EIF2B3: variants seen among roughly 807,000 people sequenced by gnomAD.
EIF2B3 encodes the protein translation initiation factor eIF2B subunit gamma.
EIF2B3 carries 20 observed loss-of-function variants against 54.1 expected under a neutral mutation model. The observed-to-expected ratio is 0.37, with a 90% CI of 0.26 to 0.54. The LOEUF (loss-of-function observed/expected upper bound fraction) is 0.54. EIF2B3 is among the 20% of genes least tolerant of loss of function. EIF2B3 has a pLI of 0.86. For synonymous variants in EIF2B3, 153 were observed against 188.1 expected, an observed-to-expected ratio of 0.81 and a Z score of 1.52; for missense variants, 448 against 547.8, an observed-to-expected ratio of 0.82 and a Z score of 1.82.
At chr1:44,933,407 T>C (rs1643914154) in intron 4 of EIF2B3, among the ~76,000 whole-genome samples, 1 of 152,148 alleles carries the variant, frequency 6.6e-6, no homozygotes, top group Non-Finnish European at 1.5e-5. Context: ...ATCTTTACAT[T>C]CTATAGTAAG....
intron 5 of EIF2B3, chr1:44,925,406 A>G (rs1173439240): frequency 2.0e-5 from 3 of 152,588 alleles, no homozygotes; most frequent in South Asian, 2.1e-4. Flanking sequence ...CCTTGAGGAC[A>G]TTATGCTAAG....
At chr1:44,900,467 A>T (rs1643262100) in intron 5 of EIF2B3, among the ~76,000 whole-genome samples, 1 of 150,762 alleles carries the variant, frequency 6.6e-6, no homozygotes, top group Non-Finnish European at 1.5e-5. Flanking sequence ...AAAAAAAAAA[A>T]AGGGAACAAC....
At chr1:44,965,983 C>T (rs1423128189) in intron 3 of EIF2B3, among the ~76,000 whole-genome samples, 4 of 152,026 alleles carry the variant, frequency 2.6e-5, no homozygotes, top group East Asian at 1.9e-4. Context: ...GACTGTAAAG[C>T]GTAGTTAAAA....
At chr1:44,872,158 G>T (rs1654986251) in intron 10 of EIF2B3, among the ~76,000 whole-genome samples, 1 of 152,126 alleles carries the variant, frequency 6.6e-6, no homozygotes, top group Non-Finnish European at 1.5e-5. Flanking sequence ...TCAGCCTTCT[G>T]AGTAGCTGAG....
intron 6 of EIF2B3, among the ~76,000 whole-genome samples, chr1:44,894,895 A>C (rs891646208): frequency 2.6e-5 from 4 of 152,152 alleles, no homozygotes; most frequent in Non-Finnish European, 5.9e-5. Flanking sequence ...TCAGCTTTCA[A>C]GACCTTCTAC....
intron 10 of EIF2B3, among the ~76,000 whole-genome samples, chr1:44,868,777 A>G (rs1654867974): frequency 6.6e-6 from 1 of 152,354 alleles, no homozygotes; most frequent in Admixed American, 6.5e-5. Flanking sequence ...AAATGGATGA[A>G]GGCAAGTGTA....
chr1:44,880,719 T>C (rs186783458), intron 7 of EIF2B3, among the ~76,000 whole-genome samples: 1 of 152,142 alleles, frequency 6.6e-6, no homozygotes, highest in East Asian at 1.9e-4. Context: ...TCCCAGCACT[T>C]TGGGAGGCCG....
At chr1:44,958,051 C>G (rs933580595) in intron 3 of EIF2B3, among the ~76,000 whole-genome samples, 3 of 152,152 alleles carry the variant, frequency 2.0e-5, no homozygotes, top group African/African-American at 7.2e-5. Flanking sequence ...CCTAAAAACC[C>G]AACCATAGGA....
chr1:44,860,816 A>G (rs1296711163), intron 10 of EIF2B3, among the ~76,000 whole-genome samples: 2 of 152,226 alleles, frequency 1.3e-5, no homozygotes, highest in East Asian at 3.9e-4. Flanking sequence ...GAGAGGGTGT[A>G]AGCACCCTTT....
chr1:44,938,970 G>A (rs1307523999), intron 4 of EIF2B3, among the ~76,000 whole-genome samples: 2 of 151,478 alleles, frequency 1.3e-5, no homozygotes, highest in South Asian at 2.1e-4. Context: ...GCATGGTGGC[G>A]AGTGCCTATA....
chr1:44,984,716 G>A (rs537955103), intron 1 of EIF2B3, among the ~76,000 whole-genome samples: 1 of 151,370 alleles, frequency 6.6e-6, no homozygotes, highest in East Asian at 1.9e-4. Flanking sequence ...TTATGATGGG[G>A]ATAATTATAG....
At chr1:44,876,243 C>A (rs1329490437) in intron 8 of EIF2B3, among the ~76,000 whole-genome samples, 1 of 150,974 alleles carries the variant, frequency 6.6e-6, no homozygotes. Context: ...TGGCCGCCAT[C>A]CCATCTAGGA....
chr1:44,859,209 G>A (rs1196659552), intron 10 of EIF2B3, among the ~76,000 whole-genome samples: 12 of 152,188 alleles, frequency 7.9e-5, no homozygotes, highest in Admixed American at 7.9e-4. Flanking sequence ...GCTGAGGTAG[G>A]AGGATCGCTT....
chr1:44,869,461 G>A (rs1485829705), intron 10 of EIF2B3, among the ~76,000 whole-genome samples: 1 of 149,812 alleles, frequency 6.7e-6, no homozygotes, highest in Admixed American at 6.6e-5. Context: ...CTTGGTGACA[G>A]AGTGAGACTA....
intron 3 of EIF2B3, among the ~76,000 whole-genome samples, chr1:44,967,739 C>CA (rs35067923): frequency 0.092 from 4,488 of 49,028 alleles, 176 homozygotes; most frequent in Middle Eastern, 0.13. Context: ...ATGCTGTCTT[C>CA]AAAAAAAAAA....
chr1:44,931,595 C>T (rs1358379306), intron 4 of EIF2B3, among the ~76,000 whole-genome samples: 3 of 152,166 alleles, frequency 2.0e-5, no homozygotes, highest in Admixed American at 6.5e-5. Context: ...CTAGAGTTTA[C>T]GAACATTTGT....
chr1:44,898,388 T>C (rs1016466465), intron 5 of EIF2B3, among the ~76,000 whole-genome samples: 1 of 152,186 alleles, frequency 6.6e-6, no homozygotes, highest in East Asian at 1.9e-4. Context: ...TGAAATTCAG[T>C]AGAGCAGAGA....
In EIF2B3 at chr1:44,962,475, C is replaced by T. The variant is rs568238071; in HGVS notation, c.294+15840G>A. ...TTGGCCAGGTTGGGGAGCAGTGGCG[C>T]GATCACAGCACTGTTGCCTAAAATT... On this transcript the variant is annotated intron_variant, in intron 3 of 11. Transcript: ENST00000360403. Among the ~76,000 whole-genome samples, 44 of 152,228 alleles carry T rather than the reference C, an allele frequency of 2.9e-4. 1 individual carries two copies. In the South Asian group the frequency reaches 5.4e-3, roughly 19 times the overall value.
chr1:44,919,625 T>C (rs542673430), intron 5 of EIF2B3, among the ~76,000 whole-genome samples: 44 of 152,158 alleles, frequency 2.9e-4, no homozygotes, highest in African/African-American at 9.9e-4. Context: ...CAGTGTGGTC[T>C]GGTTGCCATT....
Sources: allele counts gnomAD v4.1 joint callset (sites outside exome capture counted in the v4.1 genomes callset), GRCh38; gene constraint gnomAD v4.1.1; transcripts MANE v1.5; gene names NCBI Gene and HGNC (gene_info 2026-07-23, HGNC 2026-07-21).